Variants in SCAND3 observed in about 807,000 individuals in gnomAD.
SCAND3 encodes the protein SCAN domain containing 3, also known as SCAN domain-containing protein 3.
chr6:28,614,040 T>G, the SCAND3 span, among the ~76,000 whole-genome samples: 1 of 151,990 alleles, frequency 6.6e-6, no homozygotes, highest in Non-Finnish European at 1.5e-5. Flanking sequence ...CTTGGCTCAC[T>G]GCAACCTCTG....
At chr6:28,579,560 G>C in the SCAND3 span, 5 of 792,244 alleles carry the variant, frequency 6.3e-6, no homozygotes, top group Non-Finnish European at 9.8e-6. This position sits in a 1 kb window ranked among gnomAD's most constrained non-coding sequence, Gnocchi z 4.5. Context: ...AAAACATGAA[G>C]AGAAATGAAA....
chr6:28,585,374 C>T, the SCAND3 span: 6 of 152,092 alleles, frequency 3.9e-5, no homozygotes. Flanking sequence ...TAAGTGCTTC[C>T]AAGACAGCCA....
chr6:28,604,056 A>G, the SCAND3 span, among the ~76,000 whole-genome samples: 2 of 152,348 alleles, frequency 1.3e-5, no homozygotes, highest in East Asian at 3.9e-4. Flanking sequence ...TGCACTTAGA[A>G]GTAGCACAGC....
the SCAND3 span, chr6:28,573,499 C>T: frequency 1.2e-6 from 2 of 1,613,778 alleles, no homozygotes; most frequent in Non-Finnish European, 1.7e-6. Context: ...ACTACTCTTT[C>T]TTTCAAAGAA....
the SCAND3 span, among the ~76,000 whole-genome samples, chr6:28,603,501 A>T: frequency 6.6e-6 from 1 of 152,102 alleles, no homozygotes; most frequent in African/African-American, 2.4e-5. Flanking sequence ...CAGTTTCAGT[A>T]TGAGGTGTGT....
At chr6:28,604,257 G>A in the SCAND3 span, among the ~76,000 whole-genome samples, 194 of 152,252 alleles carry the variant, frequency 1.3e-3, 1 homozygote, top group African/African-American at 4.2e-3. Flanking sequence ...CTGGGTTAAG[G>A]TTTTGGCTTT....
the SCAND3 span, chr6:28,579,132 A>C: frequency 1.3e-6 from 1 of 758,740 alleles, no homozygotes; most frequent in Non-Finnish European, 2.1e-6. This position sits in a 1 kb window ranked among gnomAD's most constrained non-coding sequence, Gnocchi z 4.5. Context: ...TAATAACATT[A>C]CACTATACTG....
At chr6:28,600,713 C>T in the SCAND3 span, among the ~76,000 whole-genome samples, 4 of 151,884 alleles carry the variant, frequency 2.6e-5, no homozygotes, top group East Asian at 1.9e-4. Flanking sequence ...GATCATAAAT[C>T]GAACAACTCA....
chr6:28,587,676 T>C, the SCAND3 span: 2 of 152,144 alleles, frequency 1.3e-5, no homozygotes, highest in African/African-American at 4.8e-5. Context: ...CTTTCCTCGT[T>C]AATTTCGGGC....
the SCAND3 span, among the ~76,000 whole-genome samples, chr6:28,577,199 A>AATT: frequency 6.6e-6 from 1 of 152,222 alleles, no homozygotes; most frequent in African/African-American, 2.4e-5. Context: ...GAATACTCAT[A>AATT]ATAACAGAAA....
At chr6:28,598,771 T>TGAGACTG in the SCAND3 span, among the ~76,000 whole-genome samples, 44 of 147,118 alleles carry the variant, frequency 3.0e-4, no homozygotes, top group African/African-American at 9.6e-4. Context: ...CAGCTACTCA[T>TGAGACTG]GAGACTGAGG....
At chr6:28,586,629 T>TCTTCTTTAACCTTTA in the SCAND3 span, 65 of 1,614,186 alleles carry the variant, frequency 4.0e-5, no homozygotes, top group Non-Finnish European at 5.3e-5. This position sits in a 1 kb window ranked among gnomAD's most constrained non-coding sequence, Gnocchi z 4.4. Context: ...AGTGTGGTCT[T>TCTTCTTTAACCTTTA]CTTCTTTAAC....
the SCAND3 span, chr6:28,586,453 C>T: frequency 6.2e-7 from 1 of 1,614,198 alleles, no homozygotes; most frequent in South Asian, 1.1e-5. The surrounding 1 kb of genome is among the most constrained non-coding windows in gnomAD (Gnocchi z 4.4). Flanking sequence ...AGGATCTGCT[C>T]CTTGGTATGT....
At chr6:28,613,185 A>G in the SCAND3 span, among the ~76,000 whole-genome samples, 4 of 152,216 alleles carry the variant, frequency 2.6e-5, no homozygotes, top group South Asian at 8.3e-4. Context: ...GGCAATGGAT[A>G]AGCTGAAATT....
the SCAND3 span, chr6:28,576,240 T>G: frequency 1.2e-6 from 1 of 838,902 alleles, no homozygotes; most frequent in South Asian, 2.0e-5. Context: ...GTAGGGAATA[T>G]GGACACACAA....
the SCAND3 span, chr6:28,586,309 G>T: frequency 6.2e-7 from 1 of 1,604,906 alleles, no homozygotes; most frequent in Non-Finnish European, 8.5e-7. The surrounding 1 kb of genome is among the most constrained non-coding windows in gnomAD (Gnocchi z 4.4). Context: ...TGCTGTCTAG[G>T]TTCATCAAGC....
the SCAND3 span, among the ~76,000 whole-genome samples, chr6:28,596,832 T>C: frequency 6.6e-6 from 1 of 152,156 alleles, no homozygotes; most frequent in South Asian, 2.1e-4. Context: ...AAGTATTTTG[T>C]TGGGGGAGGG....
chr6:28,603,056 G>A, the SCAND3 span, among the ~76,000 whole-genome samples: 5 of 140,556 alleles, frequency 3.6e-5, no homozygotes, highest in South Asian at 9.1e-4. Context: ...TCCGCCTCCC[G>A]GATTCAAGCC....
the SCAND3 span, chr6:28,597,820 G>C: frequency 1.3e-5 from 2 of 152,188 alleles, no homozygotes; most frequent in Non-Finnish European, 2.9e-5. Context: ...TTTTCTGGGA[G>C]GTGCCAGAAA....
Sources: gnomAD v4.1 joint callset for allele counts (sites outside exome capture counted in the v4.1 genomes callset) on GRCh38, gnomAD v4.1.1 for gene constraint, Gnocchi (gnomAD v3.1) non-coding constraint, MANE v1.5 for transcripts, NCBI Gene and HGNC (gene_info 2026-07-23, HGNC 2026-07-21) for gene names.